Variants in ZYG11A observed in about 807,000 individuals in gnomAD.
ZYG11A encodes the protein protein zyg-11 homolog A.
Under a neutral mutation model 77.2 loss-of-function variants are expected in ZYG11A, and 62 were observed. That is an observed-to-expected ratio of 0.80 (90% CI 0.65 to 0.99). ZYG11A has a LOEUF of 0.99. Among genes scored for constraint, ZYG11A ranks in the 50% least tolerant of loss-of-function variants. The pLI, the probability that ZYG11A is intolerant of heterozygous loss-of-function variation, is 0.00. For synonymous variants in ZYG11A, 315 were observed against 324.6 expected (o/e 0.97, Z 0.32); for missense variants, 828 against 896.8 (o/e 0.92, Z 0.98).
At chr1:52,858,738 G>A (rs1229018638) in intron 3 of ZYG11A, among the ~76,000 whole-genome samples, 2 of 151,666 alleles carry the variant, frequency 1.3e-5, no homozygotes, top group African/African-American at 2.4e-5. Flanking sequence ...TCAGCTTCCC[G>A]AATAGCTGGG....
At chr1:52,862,279 A>G (rs909646862) in intron 4 of ZYG11A, among the ~76,000 whole-genome samples, 3 of 149,510 alleles carry the variant, frequency 2.0e-5, no homozygotes, top group Non-Finnish European at 4.4e-5. Context: ...GGTGACTGAG[A>G]TTGGAGGACT....
At chr1:52,849,459 G>T (rs1486948493) in intron 1 of ZYG11A, among the ~76,000 whole-genome samples, 1 of 151,032 alleles carries the variant, frequency 6.6e-6, no homozygotes, top group Admixed American at 6.6e-5. Context: ...CTGCCTCCCG[G>T]GCTCAAGGGA....
At chr1:52,875,545 G>C (rs1345547825) in intron 8 of ZYG11A, among the ~76,000 whole-genome samples, 1 of 152,204 alleles carries the variant, frequency 6.6e-6, no homozygotes, top group East Asian at 1.9e-4. Flanking sequence ...TGGAGCAGAA[G>C]GGAAGGCAGA....
At chr1:52,849,885 C>T (rs1261197485) in intron 1 of ZYG11A, among the ~76,000 whole-genome samples, 1 of 150,548 alleles carries the variant, frequency 6.6e-6, no homozygotes, top group East Asian at 2.0e-4. Context: ...GGGGTTTCAC[C>T]GTGTTAGCCA....
chr1:52,855,614 CTA>C (rs1268667163), intron 2 of ZYG11A, among the ~76,000 whole-genome samples: 1 of 152,230 alleles, frequency 6.6e-6, no homozygotes, highest in African/African-American at 2.4e-5. Context: ...CTTTCCATCT[CTA>C]TGTATGGATT....
Position 52,894,808 on chromosome 1 carries a change from T to A in ZYG11A, c.*1851T>A, listed in dbSNP as rs377756940. 31 of 152,262 alleles carry A rather than the reference T, an allele frequency of 2.0e-4. No individual in the cohort carries two copies. Among genetic ancestry groups the A allele is most frequent in the African/African-American group, 7.5e-4 (31 of 41,468 alleles). The allele number at this position is 152,262 out of a possible 1,614,324, so 9.4% of individuals were successfully genotyped here. ...TCTTGCATGATTCCAAAAGGATATC[T>A]TCCTGACCTGGGTTCTAGTACCTCA... On this transcript the variant is annotated 3_prime_UTR_variant, in exon 14 of 14. Coordinates refer to ENST00000371528, the MANE Select transcript of ZYG11A (RefSeq NM_001004339.3).
chr1:52,894,188 T>C lies in ZYG11A; in HGVS notation c.*1231T>C, dbSNP rs1317747830. 6.6e-6 allele frequency: 1 copy of C among 152,138 alleles called. No homozygotes were observed. The highest frequency in any genetic ancestry group is 2.4e-5 in the African/African-American group (1 of 41,434). The allele number at this position is 152,138 out of a possible 1,614,324, so 9.4% of individuals were successfully genotyped here. On this transcript the variant is annotated 3_prime_UTR_variant, in exon 14 of 14. Coordinates refer to ENST00000371528, the MANE Select transcript of ZYG11A (RefSeq NM_001004339.3). ...GACATGCTGTGTATGTGAGTGAGCT[T>C]GTAGGGCGTGGTGGGACTTAGGCAT...
At position 52,854,555 on chromosome 1, in the gene ZYG11A, A is replaced by G; in HGVS notation, c.181A>G (p.Thr61Ala). 1 of 1,551,456 alleles carries G rather than the reference A, an allele frequency of 6.4e-7. No individual in the cohort carries two copies. The highest frequency in any genetic ancestry group is 8.7e-7 in the Non-Finnish European group (1 of 1,146,678). ...EKLCSERPDG[T>A]LCLPEHWSFP... ...ATTGTGTTCTGAAAGACCTGATGGA[A>G]CACTGTGCCTTCCGGAGCATTGGAG... Residue 61 changes from threonine to alanine, a missense_variant, in exon 2 of 14, where the codon ACA (threonine) becomes GCA (alanine). Transcript: ENST00000371528.
rs1645774541 is a variant in ZYG11A, at chr1:52,854,615, GT to G, written c.242del (p.Val81GlyfsTer2). 1 of 1,540,608 alleles carries G rather than the reference GT, an allele frequency of 6.5e-7. No individual in the cohort carries two copies. Among genetic ancestry groups the G allele is most frequent in the African/African-American group, 1.4e-5 (1 of 72,918 alleles). On this transcript the variant is annotated frameshift_variant, in exon 2 of 14. Transcript: ENST00000371528. LOFTEE classifies it high-confidence loss of function. Reference sequence around the variant, plus strand: ...GGAAGTAGCCGAGCGATTTCTCAGGGTGATGACTTGGCAAGGTAGTGATAAG... The same window carrying G: ...GGAAGTAGCCGAGCGATTTCTCAGGGGATGACTTGGCAAGGTAGTGATAAG... Reference protein sequence around the residue: ...PQEVAERFLRVMTWQGKLTDR... With the variant: ...PQEVAERFLRXMTWQGKLTDR...
At chr1:52,872,518 T>A (rs1646185273) in intron 8 of ZYG11A, among the ~76,000 whole-genome samples, 1 of 152,074 alleles carries the variant, frequency 6.6e-6, no homozygotes, top group Non-Finnish European at 1.5e-5. Context: ...CGATATCCAT[T>A]CTGCAGCCCA....
intron 1 of ZYG11A, among the ~76,000 whole-genome samples, chr1:52,845,816 A>G (rs1441437327): frequency 6.6e-6 from 1 of 151,566 alleles, no homozygotes; most frequent in Non-Finnish European, 1.5e-5. Context: ...TAGCTAGACT[A>G]TAGGTGTGCA....
At chr1:52,885,263 G>A (rs1008289971) in intron 11 of ZYG11A, among the ~76,000 whole-genome samples, 5 of 151,088 alleles carry the variant, frequency 3.3e-5, no homozygotes, top group African/African-American at 1.2e-4. Context: ...TACCTCACGT[G>A]CCAAATTTTT....
At chr1:52,882,194 A>G (rs1646375900) in intron 11 of ZYG11A, among the ~76,000 whole-genome samples, 1 of 152,174 alleles carries the variant, frequency 6.6e-6, no homozygotes, top group South Asian at 2.1e-4. Flanking sequence ...CGCCTAGCCA[A>G]CTTCCTTATT....
chr1:52,850,858 TA>T (rs1645695996), intron 1 of ZYG11A, among the ~76,000 whole-genome samples: 1 of 152,218 alleles, frequency 6.6e-6, no homozygotes, highest in Admixed American at 6.5e-5. Flanking sequence ...TGTTCTGTTT[TA>T]AACCCACGAA....
chr1:52,850,993 T>C (rs1255620461), intron 1 of ZYG11A, among the ~76,000 whole-genome samples: 1 of 152,192 alleles, frequency 6.6e-6, no homozygotes, highest in African/African-American at 2.4e-5. Context: ...CTGAACTTTA[T>C]GGATGCTACT....
chr1:52,868,390 C>G (rs1309407519), intron 8 of ZYG11A, among the ~76,000 whole-genome samples: 1 of 152,200 alleles, frequency 6.6e-6, no homozygotes, highest in Non-Finnish European at 1.5e-5. Flanking sequence ...CTACAAATTA[C>G]TTCCTCCTCT....
chr1:52,889,145 T>C (rs895778613), intron 13 of ZYG11A, among the ~76,000 whole-genome samples: 1 of 152,004 alleles, frequency 6.6e-6, no homozygotes, highest in Non-Finnish European at 1.5e-5. Flanking sequence ...TAATTTAGTT[T>C]AATTTATTTT....
intron 1 of ZYG11A, 56 bp from the exon 2 acceptor site, chr1:52,854,409 T>G (rs1645768848): frequency 2.1e-6 from 3 of 1,463,240 alleles, no homozygotes; most frequent in Non-Finnish European, 1.8e-6. Flanking sequence ...ACCAGTTTTA[T>G]GTTGAATTGT....
At chr1:52,886,924 G>A (rs763800856) in intron 12 of ZYG11A, 32 bp from the exon 13 acceptor site, 1 of 1,171,658 alleles carries the variant, frequency 8.5e-7, no homozygotes, top group South Asian at 1.3e-5. Context: ...AACTGTTCTG[G>A]ATTAACATCT....
Sources: allele counts gnomAD v4.1 joint callset (sites outside exome capture counted in the v4.1 genomes callset), GRCh38; gene constraint gnomAD v4.1.1; transcripts MANE v1.5; gene names NCBI Gene and HGNC (gene_info 2026-07-23, HGNC 2026-07-21).